MYRF: variants seen among roughly 807,000 people sequenced by gnomAD.
MYRF encodes the protein myelin regulatory factor, also known as myelin gene regulatory factor.
Under a neutral mutation model 126.3 loss-of-function variants are expected in MYRF, and 16 were observed. The ratio of observed to expected loss-of-function variants is 0.13; its 90% CI spans 0.09 to 0.19. MYRF has a LOEUF of 0.19. MYRF is among the 10% of genes least tolerant of loss of function. The pLI is 1.00. For synonymous variants in MYRF, 608 were observed against 635.3 expected (o/e 0.96, Z 0.65); for missense variants, 1,104 against 1,547.0 (o/e 0.71, Z 4.80).
chr11:61,762,794 A>G (rs760685266), intron 1 of MYRF, among the ~76,000 whole-genome samples: 1 of 151,848 alleles, frequency 6.6e-6, no homozygotes, highest in Non-Finnish European at 1.5e-5. Flanking sequence ...CGAGCCCCCA[A>G]CCCTCAAACT....
intron 3 of MYRF, among the ~76,000 whole-genome samples, 156 bp from the exon 4 acceptor site, chr11:61,769,104 G>C (rs576294399): frequency 6.6e-6 from 1 of 152,334 alleles, no homozygotes; most frequent in African/African-American, 2.4e-5. Context: ...CCCAATGTGG[G>C]TGGTGCGGAG....
chr11:61,774,297 T>A (rs115781780), intron 8 of MYRF, 135 bp downstream of exon 8: 1 of 771,082 alleles, frequency 1.3e-6, no homozygotes, highest in Non-Finnish European at 2.0e-6. Context: ...GTCAGGCAGA[T>A]CACTTGAGGT....
rs766687385 is a variant in MYRF, at chr11:61,777,797, C to A, written c.1855C>A (p.Pro619Thr). Residue 619 changes from proline to threonine, a missense_variant, in exon 13 of 27, where the codon CCC becomes ACC. By Grantham distance (38) the Pro-to-Thr change is conservative. Around this residue, in one of 10 missense-constraint regions of MYRF, gnomAD observed 123 missense variants for 209.1 expected, o/e 0.59. Transcript: ENST00000278836. The surrounding 1 kb of genome is among the most constrained non-coding windows in gnomAD (Gnocchi z 8.8). ...GCGGCTGGTGCACTACAGATACAAG[C>A]CCGAGTTCGCCGCCAGCGCGGGCAT... ...RMRLVHYRYK[P>T]EFAASAGIEA... The A allele has an allele frequency of 6.4e-7, 1 of 1,552,480 alleles. No homozygotes were observed. Among genetic ancestry groups the A allele is most frequent in the South Asian group, 1.2e-5 (1 of 84,138 alleles).
At chr11:61,785,733 G>A (rs543838889) in intron 25 of MYRF, 67 bp from the exon 26 acceptor site, 17 of 1,369,004 alleles carry the variant, frequency 1.2e-5, no homozygotes, top group African/African-American at 2.8e-5. Flanking sequence ...TGCGACGGCC[G>A]TGGTGAGAGA....
In MYRF at chr11:61,783,852, C is replaced by T; in HGVS notation, c.3121C>T (p.Pro1041Ser). 1.2e-6 allele frequency: 2 copies of T among 1,604,832 alleles called. No homozygotes were observed. Among genetic ancestry groups the T allele is most frequent in the Non-Finnish European group, 1.7e-6 (2 of 1,175,428 alleles). Reference protein sequence around the residue: ...QYCAPGDACRPGNFTYHIPVS... With the variant: ...QYCAPGDACRSGNFTYHIPVS... ...AAGGTGCCAGTTTTGCCCCTGCAGG[C>T]CTGGGAACTTCACCTACCACATCCC... The change falls in exon 24 of 27, where the codon CCT (proline) becomes TCT (serine). Residue 1041 changes from proline (P) to serine (S), a missense_variant and splice_region_variant. Physicochemically the swap from Pro to Ser is moderately conservative, Grantham distance 74. This residue lies in a region of MYRF where 94 missense variants were observed against 164.6 expected (regional missense o/e 0.57). Transcript: ENST00000278836. This position sits in a 1 kb window ranked among gnomAD's most constrained non-coding sequence, Gnocchi z 4.6.
intron 4 of MYRF, among the ~76,000 whole-genome samples, chr11:61,769,728 C>A (rs925095804): frequency 6.6e-6 from 1 of 152,148 alleles, no homozygotes; most frequent in Admixed American, 6.5e-5. Flanking sequence ...TCCCCGCAGT[C>A]CGGATTGGGG....
rs1246844222 is a variant in MYRF at position 61,779,350 on chromosome 11, C to T, written c.2101C>T (p.Arg701Cys). The change falls in exon 15 of 27, where the codon CGC becomes TGC. Residue 701 changes from arginine (R) to cysteine (C), a missense_variant. Physicochemically the swap from Arg to Cys is radical, Grantham distance 180. Transcript: ENST00000278836. Reference sequence around the variant, plus strand: ...GGAGACGCGCATTGATGAGCTGGAGCGCTGGAGCCACAAGCTGGCCAAGCT... The same window carrying T: ...GGAGACGCGCATTGATGAGCTGGAGTGCTGGAGCCACAAGCTGGCCAAGCT... ...NLETRIDELE[R>C]WSHKLAKLRR... The T allele has an allele frequency of 1.4e-5, 22 of 1,551,038 alleles. No individual in the cohort carries two copies. The highest frequency in any genetic ancestry group is 1.8e-5 in the Non-Finnish European group (21 of 1,146,928).
Position 61,778,943 on chromosome 11 carries a change from G to A in MYRF, c.2014-320G>A, listed in dbSNP as rs1477902716. ...CTGACATCTGAGACACCAGTCATCC[G>A]AGGGGCAGATCCCGGGGCTGCAGCC... On this transcript the variant is annotated intron_variant, in intron 14 of 26. Transcript: ENST00000278836. The surrounding 1 kb of genome is among the most constrained non-coding windows in gnomAD (Gnocchi z 4.6). 1.8e-5 allele frequency: 11 copies of A among 603,372 alleles called. No individual in the cohort carries two copies. The highest frequency in any genetic ancestry group is 1.3e-4 in the Admixed American group (6 of 46,886). The allele number at this position is 603,372 out of a possible 1,614,324, so 37.4% of individuals were successfully genotyped here. A position where few individuals can be genotyped will look rare whatever the true frequency, so the allele number is the denominator to read the frequency against.
chr11:61,771,858 G>A lies in MYRF; in HGVS notation c.1021G>A (p.Gly341Ser). The A allele has an allele frequency of 6.2e-7, 1 of 1,614,176 alleles. No homozygotes were observed. Among genetic ancestry groups the A allele is most frequent in the Non-Finnish European group, 8.5e-7 (1 of 1,180,018 alleles). The change falls in exon 7 of 27, where the codon GGC becomes AGC. Residue 341 changes from glycine to serine, a missense_variant. Transcript: ENST00000278836. ...GLLQDSDSLS[G>S]SYLDPNYQSI... is the part of the protein sequence containing the mutation. Reference sequence around the variant, plus strand: ...CCTGCAGGACAGTGACAGCCTCAGTGGCTCCTACCTGGACCCCAACTACCA... The same window carrying A: ...CCTGCAGGACAGTGACAGCCTCAGTAGCTCCTACCTGGACCCCAACTACCA...
intron 4 of MYRF, among the ~76,000 whole-genome samples, chr11:61,769,622 G>A (rs901152961): frequency 6.6e-6 from 1 of 152,190 alleles, no homozygotes; most frequent in Non-Finnish European, 1.5e-5. Context: ...CAGCCTGGGT[G>A]CAGGCTTCCC....
At position 61,781,031 on chromosome 11, in the gene MYRF, C is replaced by T. The variant is rs749253814; in HGVS notation, c.2558C>T (p.Pro853Leu). 1.2e-6 allele frequency: 2 copies of T among 1,609,842 alleles called. No homozygotes were observed. Among genetic ancestry groups the T allele is most frequent in the African/African-American group, 1.3e-5 (1 of 74,926 alleles). Residue 853 changes from proline (P) to leucine (L), a missense_variant, in exon 20 of 27, where the codon CCC becomes CTC. Physicochemically the swap from Pro to Leu is moderately conservative, Grantham distance 98. Coordinates refer to ENST00000278836, the MANE Select transcript of MYRF (RefSeq NM_001127392.3). ...PLTTGLPGIQ[P>L]SLLLVTTSLT... The stretch of plus-strand genomic sequence containing the variant: ...ACCACGGGGCTACCAGGCATACAGC[C>T]CTCTTTGCTGCTGGGTGCGTGTCTG...
chr11:61,767,610 G>A (rs773778810), intron 3 of MYRF: 2 of 354,838 alleles, frequency 5.6e-6, no homozygotes, highest in Non-Finnish European at 1.1e-5. Flanking sequence ...CATATTGCTT[G>A]AGCCCAGGAG....
intron 7 of MYRF, among the ~76,000 whole-genome samples, chr11:61,772,389 C>T (rs553618516): frequency 5.9e-5 from 9 of 152,228 alleles, no homozygotes; most frequent in Non-Finnish European, 1.2e-4. Flanking sequence ...ACCCAGATGG[C>T]TCCATCTTTC....
rs1011387988 is a variant in MYRF, at chr11:61,778,766, C to T, written c.2013+277C>T. The T allele has an allele frequency of 9.9e-6, 6 of 605,412 alleles. No individual in the cohort carries two copies. The highest frequency in any genetic ancestry group is 2.1e-5 in the Admixed American group (1 of 46,846). The allele number at this position is 605,412 out of a possible 1,614,324, so 37.5% of individuals were successfully genotyped here. A position where few individuals can be genotyped will look rare whatever the true frequency, so the allele number is the denominator to read the frequency against. On this transcript the variant is annotated intron_variant, in intron 14 of 26. Coordinates refer to ENST00000278836, the MANE Select transcript of MYRF (RefSeq NM_001127392.3). This position sits in a 1 kb window ranked among gnomAD's most constrained non-coding sequence, Gnocchi z 4.6. ...CCTTCCACCCCCGGTAAAATGAGGG[C>T]GGTAATAGAACTGCACAGACATCCT...
At chr11:61,756,591 A>G (rs1400764915) in intron 1 of MYRF, among the ~76,000 whole-genome samples, 1 of 143,288 alleles carries the variant, frequency 7.0e-6, no homozygotes, top group Non-Finnish European at 1.5e-5. Context: ...ACTCATCCCC[A>G]TGTCCCCAGC....
Position 61,757,804 on chromosome 11 carries a change from A to G in MYRF, c.46+5014A>G. The G allele has an allele frequency of 3.0e-6, 1 of 333,590 alleles. No homozygotes were observed. Among genetic ancestry groups the G allele is most frequent in the Non-Finnish European group, 6.0e-6 (1 of 167,926 alleles). 20.7% of individuals were successfully genotyped at this position (333,590 alleles called of 1,614,324 possible). A position where few individuals can be genotyped will look rare whatever the true frequency, so the allele number is the denominator to read the frequency against. ...CGTGGGTGACGGCCTCCCATTTCTG[A>G]GGGGGACTGTGAGGCAGGACAGGAA... On this transcript the variant is annotated intron_variant, in intron 1 of 26. Coordinates refer to ENST00000278836, the MANE Select transcript of MYRF (RefSeq NM_001127392.3). This position sits in a 1 kb window ranked among gnomAD's most constrained non-coding sequence, Gnocchi z 4.7.
intron 1 of MYRF, among the ~76,000 whole-genome samples, chr11:61,761,929 G>A (rs1036522926): frequency 2.6e-5 from 4 of 152,274 alleles, no homozygotes; most frequent in Admixed American, 2.6e-4. Flanking sequence ...GTGGTGGGCG[G>A]GTGGTGGACA....
intron 1 of MYRF, among the ~76,000 whole-genome samples, chr11:61,760,115 C>T (rs1358075869): frequency 2.6e-5 from 4 of 152,110 alleles, no homozygotes; most frequent in African/African-American, 9.6e-5. Context: ...ATTACAGGCA[C>T]GTGCCACCAT....
rs940348211 is a variant in MYRF, at chr11:61,770,167, ACT to A, written c.461-76_461-75del. On this transcript the variant is annotated intron_variant, in intron 4 of 26. Coordinates refer to ENST00000278836, the MANE Select transcript of MYRF (RefSeq NM_001127392.3). ...GCTCAGGACGGGGTGGAAGCAGGAGACTCTGCCTTGGGGAGGACAGTGCCCAG... is the reference window on the plus strand; with the variant it reads ...GCTCAGGACGGGGTGGAAGCAGGAGACTGCCTTGGGGAGGACAGTGCCCAG... The A allele has an allele frequency of 1.5e-5, 20 of 1,361,592 alleles. No homozygotes were observed. The African/African-American group carries it at 3.0e-4, about 20-fold the overall frequency. The allele number at this position is 1,361,592 out of a possible 1,614,324, so 84.3% of individuals were successfully genotyped here.
Sources: allele counts gnomAD v4.1 joint callset (sites outside exome capture counted in the v4.1 genomes callset), GRCh38; gene constraint gnomAD v4.1.1; regional missense constraint gnomAD v4.1.1; non-coding constraint Gnocchi (gnomAD v3.1); transcripts MANE v1.5; gene names NCBI Gene and HGNC (gene_info 2026-07-23, HGNC 2026-07-21).